Variants in SIRT4 observed in about 807,000 individuals in gnomAD.
SIRT4 encodes NAD-dependent protein lipoamidase sirtuin-4, mitochondrial.
Under a neutral mutation model 26.1 loss-of-function variants are expected in SIRT4, and 23 were observed. The ratio of observed to expected loss-of-function variants is 0.88; its 90% confidence interval spans 0.63 to 1.25. The LOEUF (loss-of-function observed/expected upper bound fraction) is 1.25, where lower values mean the gene tolerates loss of function less well. SIRT4 is among the 50% of genes most tolerant of loss of function. The pLI is 0.00. For missense variants in SIRT4, 361 were observed against 405.4 expected, an observed-to-expected ratio of 0.89 and a Z score of 0.94; for synonymous variants, 155 against 158.4, an observed-to-expected ratio of 0.98 and a Z score of 0.16.
At chr12:120,293,153 C>G in the SIRT4 span, 6 of 152,152 alleles carry the variant, frequency 3.9e-5, no homozygotes, top group African/African-American at 9.7e-5. Context: ...GTCGTCACGG[C>G]GGGGTATTGG....
intron 3 of SIRT4, 54 bp from the exon 4 acceptor site, chr12:120,312,830 T>C: frequency 1.2e-6 from 2 of 1,609,614 alleles, no homozygotes; most frequent in Non-Finnish European, 1.7e-6. Flanking sequence ...TGGTTTAACT[T>C]TTTCTAGATC....
rs908387838 is a variant in SIRT4, at chr12:120,313,057, A to G, written c.*21A>G. 1.3e-5 allele frequency: 21 copies of G among 1,613,292 alleles called. No individual in the cohort carries two copies. The African/African-American group carries it at 2.7e-4, about 21-fold the overall frequency. ...GCTGACCACAGCCTGATATTCCAGA[A>G]CCTGGAACAGGGACTTTCACTTGAA... is the stretch of plus-strand genomic sequence containing the variant. On this transcript the variant is annotated 3_prime_UTR_variant, in exon 4 of 4. Coordinates refer to ENST00000202967, the MANE Select transcript of SIRT4 (RefSeq NM_012240.3).
chr12:120,309,927 G>A (rs2136840202), intron 2 of SIRT4, among the ~76,000 whole-genome samples: 1 of 151,816 alleles, frequency 6.6e-6, no homozygotes. Context: ...ATGTTGGCCA[G>A]GCGGGTCTCA....
chr12:120,306,529 C>T (rs1165592678), intron 2 of SIRT4, among the ~76,000 whole-genome samples: 3 of 150,846 alleles, frequency 2.0e-5, no homozygotes, highest in Admixed American at 6.6e-5. Context: ...GGGACGGGTG[C>T]GGTGGCTCAT....
Position 120,303,646 on chromosome 12 carries a change from A to T in SIRT4, c.85A>T (p.Ile29Phe). Residue 29 changes from isoleucine (I) to phenylalanine (F), a missense_variant, in exon 2 of 4, where the codon ATT (isoleucine) becomes TTT (phenylalanine). Coordinates refer to ENST00000202967, the MANE Select transcript of SIRT4 (RefSeq NM_012240.3). ...NPSQPCSKAS[I>F]GLFVPASPPL... ...CAGCCAGCCGTGCTCGAAAGCCTCC[A>T]TTGGGTTATTTGTGCCAGCAAGTCC... 6.2e-7 allele frequency: 1 copy of T among 1,614,146 alleles called. No individual in the cohort carries two copies. The highest frequency in any genetic ancestry group is 8.5e-7 in the Non-Finnish European group (1 of 1,180,018).
upstream of SIRT4, among the ~76,000 whole-genome samples, chr12:120,299,340 T>C (rs1225340483): frequency 6.6e-6 from 1 of 150,578 alleles, no homozygotes; most frequent in East Asian, 2.0e-4. Context: ...TCACCTGAGG[T>C]CACGAGTTCA....
Position 120,303,877 on chromosome 12 carries a change from T to C in SIRT4, c.316T>C (p.Trp106Arg), listed in dbSNP as rs140277065. 6.4e-5 allele frequency: 104 copies of C among 1,614,204 alleles called. 2 individuals are homozygous for C. The Admixed American group carries it at 1.2e-3, about 19-fold the overall frequency. Reference sequence around the variant, plus strand: ...GAGTGCCCCAATCCGCCAGCGGTACTGGGCGAGAAACTTCGTAGGCTGGCC... The same window carrying C: ...GAGTGCCCCAATCCGCCAGCGGTACCGGGCGAGAAACTTCGTAGGCTGGCC... ...VRSAPIRQRYWARNFVGWPQF... is the reference protein window; with the variant it reads ...VRSAPIRQRYRARNFVGWPQF... Residue 106 changes from tryptophan (W) to arginine (R), a missense_variant, in exon 2 of 4, where the codon TGG becomes CGG. By Grantham distance (101) the Trp-to-Arg change is moderately radical. Coordinates refer to ENST00000202967, the MANE Select transcript of SIRT4 (RefSeq NM_012240.3).
chr12:120,307,934 G>C (rs1034408542), intron 2 of SIRT4, among the ~76,000 whole-genome samples: 2 of 152,108 alleles, frequency 1.3e-5, no homozygotes, highest in Non-Finnish European at 2.9e-5. Flanking sequence ...GTGAAATTGT[G>C]TGGTTCTTGA....
In SIRT4 at chr12:120,303,808, G is replaced by A. The variant is rs1566462825; in HGVS notation, c.247G>A (p.Ala83Thr). ...CAGGTCAGAAAAAGTGGGGCTTTATGCCCGCACTGACCGCAGGCCCATCCA... is the reference window on the plus strand; with the variant it reads ...CAGGTCAGAAAAAGTGGGGCTTTATACCCGCACTGACCGCAGGCCCATCCA... ...DYRSEKVGLY[A>T]RTDRRPIQHG... is the part of the protein sequence containing the mutation. The change falls in exon 2 of 4, where the codon GCC becomes ACC. Residue 83 changes from alanine to threonine, a missense_variant. Ala to Thr is a moderately conservative substitution (Grantham distance 58). Coordinates refer to ENST00000202967, the MANE Select transcript of SIRT4 (RefSeq NM_012240.3). 6.2e-7 allele frequency: 1 copy of A among 1,614,152 alleles called. No homozygotes were observed. Among genetic ancestry groups the A allele is most frequent in the African/African-American group, 1.3e-5 (1 of 75,032 alleles).
the SIRT4 span, chr12:120,291,873 A>T: frequency 6.6e-6 from 1 of 152,088 alleles, no homozygotes. Flanking sequence ...GATAAACCTC[A>T]TTGGCTACGA....
intron 2 of SIRT4, among the ~76,000 whole-genome samples, chr12:120,305,096 G>GTGAGCTGAGATCA (rs1242188728): frequency 2.0e-5 from 3 of 151,520 alleles, no homozygotes; most frequent in Admixed American, 2.0e-4. Context: ...AGAGGTTGCA[G>GTGAGCTGAGATCA]TGAGCTGAGA....
chr12:120,297,678 C>G (rs969007243), upstream of SIRT4, among the ~76,000 whole-genome samples: 1 of 151,974 alleles, frequency 6.6e-6, no homozygotes, highest in African/African-American at 2.4e-5. Context: ...TTTTGGGGGC[C>G]TAGAAGCACA....
intron 2 of SIRT4, among the ~76,000 whole-genome samples, chr12:120,311,832 T>C (rs572132677): frequency 6.9e-6 from 1 of 145,622 alleles, no homozygotes; most frequent in African/African-American, 2.6e-5. Context: ...TTAGAAGGAA[T>C]GGTAATAGAC....
intron 2 of SIRT4, among the ~76,000 whole-genome samples, chr12:120,310,877 A>G (rs1872933885): frequency 1.3e-5 from 2 of 151,134 alleles, no homozygotes; most frequent in African/African-American, 2.4e-5. Context: ...CTGGGACTAC[A>G]GGCGCCCGCC....
At chr12:120,297,465 TTG>T (rs2136819526), upstream of SIRT4, among the ~76,000 whole-genome samples, 1 of 149,728 alleles carries the variant, frequency 6.7e-6, no homozygotes, top group Admixed American at 6.7e-5. Flanking sequence ...TCAAGTGAAA[TTG>T]TGTGTTTCAC....
upstream of SIRT4, among the ~76,000 whole-genome samples, chr12:120,299,487 G>T (rs1872467604): frequency 1.3e-5 from 2 of 150,808 alleles, no homozygotes; most frequent in Admixed American, 1.3e-4. Flanking sequence ...GGAAGGCAGA[G>T]GCTTCAGTGA....
chr12:120,307,136 G>A (rs950010214), intron 2 of SIRT4, among the ~76,000 whole-genome samples: 5 of 152,166 alleles, frequency 3.3e-5, no homozygotes, highest in African/African-American at 1.2e-4. Context: ...AATGTATGGT[G>A]TACATACGTT....
the SIRT4 span, among the ~76,000 whole-genome samples, chr12:120,295,117 T>C: frequency 1.3e-5 from 2 of 150,908 alleles, no homozygotes; most frequent in African/African-American, 4.9e-5. Context: ...GCGCCCGGCC[T>C]ATCCATTTAT....
the SIRT4 span, among the ~76,000 whole-genome samples, chr12:120,292,925 C>T: frequency 2.0e-5 from 3 of 152,214 alleles, no homozygotes; most frequent in Non-Finnish European, 4.4e-5. Flanking sequence ...CTTTCATAAA[C>T]GCAAATCACT....
Sources: gnomAD v4.1 joint callset for allele counts (sites outside exome capture counted in the v4.1 genomes callset) on GRCh38, gnomAD v4.1.1 for gene constraint, MANE v1.5 for transcripts, NCBI Gene and HGNC (gene_info 2026-07-23, HGNC 2026-07-21) for gene names.